Variants in COL4A4 observed in about 807,000 individuals in gnomAD.
COL4A4 encodes the protein collagen alpha-4(IV) chain.
COL4A4 carries 105 observed loss-of-function variants against 192.9 expected under a neutral mutation model. The observed-to-expected ratio is 0.54, with a 90% CI of 0.46 to 0.64. The LOEUF is 0.64. COL4A4 is among the 30% of genes least tolerant of loss of function. The probability of loss-of-function intolerance (pLI) is 0.00; values close to 1 mark genes in which losing one functional copy is unlikely to be tolerated. For synonymous variants in COL4A4, 762 were observed against 769.9 expected, an observed-to-expected ratio of 0.99 and a Z score of 0.17; for missense variants, 1,967 against 2,169.3, an observed-to-expected ratio of 0.91 and a Z score of 1.85.
intron 30 of COL4A4, among the ~76,000 whole-genome samples, chr2:227,055,520 A>T (rs1280799502): frequency 1.3e-5 from 2 of 151,898 alleles, no homozygotes; most frequent in African/African-American, 2.4e-5. Flanking sequence ...ATAATAAAAT[A>T]AAAAAATAAA....
At chr2:227,127,004 G>A (rs771907779) in intron 4 of COL4A4, among the ~76,000 whole-genome samples, 1 of 152,066 alleles carries the variant, frequency 6.6e-6, no homozygotes, top group African/African-American at 2.4e-5. Context: ...CAGGAATTTT[G>A]CATCACTAAA....
At chr2:227,034,323 T>C (rs1408817353) in intron 37 of COL4A4, among the ~76,000 whole-genome samples, 1 of 152,126 alleles carries the variant, frequency 6.6e-6, no homozygotes, top group Non-Finnish European at 1.5e-5. Context: ...AAATGACACT[T>C]CTTGATGGCC....
Position 227,007,430 on chromosome 2 carries a change from T to C in COL4A4, c.4968A>G (p.Lys1656=). 1.2e-6 allele frequency: 2 copies of C among 1,614,238 alleles called. No homozygotes were observed. The highest frequency in any genetic ancestry group is 1.7e-6 in the Non-Finnish European group (2 of 1,180,050). The change falls in exon 48 of 48, where the codon AAA becomes AAG. Residue 1656 remains lysine, a synonymous_variant. Coordinates refer to ENST00000396625, the MANE Select transcript of COL4A4 (RefSeq NM_000092.5). ...NKYSFWLTTV[K]ADLQFSSAPA... ...GAGCAGAGGAAAACTGCAAGTCTGC[T>C]TTCACCGTTGTGAGCCAGAAGCTAT... is the stretch of plus-strand genomic sequence containing the variant.
chr2:227,039,985 A>G (rs1970455523), intron 37 of COL4A4, among the ~76,000 whole-genome samples: 1 of 152,162 alleles, frequency 6.6e-6, no homozygotes, highest in Admixed American at 6.5e-5. Context: ...GAGTATACCA[A>G]CTCTTCAACA....
At chr2:226,987,093 C>T in the COL4A4 span, among the ~76,000 whole-genome samples, 14 of 152,260 alleles carry the variant, frequency 9.2e-5, no homozygotes, top group African/African-American at 2.6e-4. Context: ...AACCAAACAC[C>T]GCATGTTCTC....
chr2:227,145,625 T>C (rs1189832451), intron 2 of COL4A4, among the ~76,000 whole-genome samples: 1 of 152,214 alleles, frequency 6.6e-6, no homozygotes, highest in Non-Finnish European at 1.5e-5. Context: ...GGGCTGTGAT[T>C]TATCTGCCAT....
chr2:227,026,038 T>C (rs1050242714), intron 42 of COL4A4, among the ~76,000 whole-genome samples: 1 of 152,144 alleles, frequency 6.6e-6, no homozygotes, highest in Non-Finnish European at 1.5e-5. Context: ...TTTTCATCTC[T>C]AGAATGACTT....
At chr2:227,154,514 A>G (rs2064187880) in intron 1 of COL4A4, among the ~76,000 whole-genome samples, 1 of 152,224 alleles carries the variant, frequency 6.6e-6, no homozygotes, top group African/African-American at 2.4e-5. Flanking sequence ...CCAAAGTAAC[A>G]TTAAATCTTT....
chr2:227,103,308 A>G (rs1246813578), intron 13 of COL4A4, 111 bp from the exon 14 acceptor site: 2 of 856,804 alleles, frequency 2.3e-6, no homozygotes, highest in Non-Finnish European at 3.8e-6. Flanking sequence ...TAAAAAAAAA[A>G]ATCTTAAGAG....
Position 227,012,220 on chromosome 2 carries a change from T to C in COL4A4, c.4294A>G (p.Lys1432Glu). 1 of 1,614,150 alleles carries C rather than the reference T, an allele frequency of 6.2e-7. No individual in the cohort carries two copies. ...TAGCCGTCTTCTCCTGTGTCACCTT[T>C]ACGTCCGGGAGGCCCAGGAGACCCA... Reference protein sequence around the residue: ...VPGSPGPPGRKGDTGEDGYPG... With the variant: ...VPGSPGPPGREGDTGEDGYPG... The change falls in exon 45 of 48, where the codon AAA (lysine) becomes GAA (glutamate). Residue 1432 changes from lysine to glutamate, a missense_variant. By Grantham distance (56) the Lys-to-Glu change is moderately conservative. Coordinates refer to ENST00000396625, the MANE Select transcript of COL4A4 (RefSeq NM_000092.5).
chr2:227,032,976 G>C (rs1968760119), intron 38 of COL4A4, among the ~76,000 whole-genome samples: 1 of 152,190 alleles, frequency 6.6e-6, no homozygotes, highest in Non-Finnish European at 1.5e-5. Flanking sequence ...ACAGCAAATT[G>C]TGTAGGTAAT....
At chr2:227,051,971 C>T (rs578015982) in intron 32 of COL4A4, among the ~76,000 whole-genome samples, 2 of 152,220 alleles carry the variant, frequency 1.3e-5, no homozygotes, top group South Asian at 2.1e-4. Flanking sequence ...GGGTGGATCA[C>T]CTGAGGTCAG....
chr2:227,000,613 G>A (rs1194127685), downstream of COL4A4, among the ~76,000 whole-genome samples: 1 of 152,180 alleles, frequency 6.6e-6, no homozygotes, highest in African/African-American at 2.4e-5. Context: ...GTTGGCTGGT[G>A]CTGCAGTGAC....
intron 6 of COL4A4, among the ~76,000 whole-genome samples, chr2:227,119,056 C>CT (rs895755025): frequency 8.9e-4 from 131 of 146,392 alleles, no homozygotes; most frequent in Middle Eastern, 3.6e-3. Flanking sequence ...CCACATACCT[C>CT]TTTTTTTTTT....
chr2:227,071,063 C>G (rs1461019543), intron 25 of COL4A4, among the ~76,000 whole-genome samples: 2 of 151,942 alleles, frequency 1.3e-5, no homozygotes, highest in African/African-American at 4.8e-5. Flanking sequence ...CCTCACATCT[C>G]AATATTCATG....
At chr2:227,011,030 G>C (rs1482554095) in intron 45 of COL4A4, among the ~76,000 whole-genome samples, 2 of 152,128 alleles carry the variant, frequency 1.3e-5, no homozygotes, top group Non-Finnish European at 2.9e-5. Flanking sequence ...ACATCTACAA[G>C]TTTGGCTCTC....
intron 17 of COL4A4, 115 bp from the exon 18 acceptor site, chr2:227,099,804 T>G: frequency 1.2e-6 from 1 of 869,394 alleles, no homozygotes; most frequent in Non-Finnish European, 1.9e-6. Context: ...GCAGAGATTA[T>G]AGGCTGACTA....
chr2:227,057,685 T>G, intron 28 of COL4A4, 85 bp from the exon 29 acceptor site: 1 of 1,365,394 alleles, frequency 7.3e-7, no homozygotes, highest in Non-Finnish European at 1.0e-6. Flanking sequence ...ATATCAATAC[T>G]GGAGGTGAAC....
At chr2:227,105,215 A>G (rs1210021040) in intron 12 of COL4A4, among the ~76,000 whole-genome samples, 3 of 121,120 alleles carry the variant, frequency 2.5e-5, no homozygotes, top group African/African-American at 9.7e-5. Context: ...TTTTTGAGAC[A>G]GAGTGTTCTC....
Sources: allele counts gnomAD v4.1 joint callset (sites outside exome capture counted in the v4.1 genomes callset), GRCh38; gene constraint gnomAD v4.1.1; transcripts MANE v1.5; gene names NCBI Gene and HGNC (gene_info 2026-07-23, HGNC 2026-07-21).